ORC2: variants seen among roughly 807,000 people sequenced by gnomAD.
ORC2 encodes origin recognition complex subunit 2.
Under a neutral mutation model 77.7 loss-of-function variants are expected in ORC2, and 37 were observed. The ratio of observed to expected loss-of-function variants is 0.48; its 90% confidence interval spans 0.37 to 0.63. The LOEUF (loss-of-function observed/expected upper bound fraction) is 0.63. Among genes scored for constraint, ORC2 ranks in the 20% least tolerant of loss-of-function variants. The pLI is 0.00. For synonymous variants in ORC2, 201 were observed against 229.5 expected, an observed-to-expected ratio of 0.88 and a Z score of 1.12; for missense variants, 557 against 661.9, an observed-to-expected ratio of 0.84 and a Z score of 1.74.
chr2:200,913,846 G>A (rs1273015001), intron 16 of ORC2, 85 bp downstream of exon 16: 2 of 1,485,572 alleles, frequency 1.3e-6, no homozygotes, highest in Non-Finnish European at 1.8e-6. Context: ...GTGAAAAACT[G>A]CACTGCTGTC....
At chr2:200,937,591 T>C (rs2041071411) in intron 8 of ORC2, among the ~76,000 whole-genome samples, 1 of 152,224 alleles carries the variant, frequency 6.6e-6, no homozygotes, top group Non-Finnish European at 1.5e-5. Flanking sequence ...TCTGTTTACT[T>C]GACTTTGTTT....
intron 11 of ORC2, among the ~76,000 whole-genome samples, chr2:200,928,154 G>A (rs1190937830): frequency 6.6e-6 from 1 of 151,858 alleles, no homozygotes. Flanking sequence ...CCAGGAATTC[G>A]AGACCAGCCT....
chr2:200,917,457 G>A (rs1443360444), intron 15 of ORC2, among the ~76,000 whole-genome samples: 1 of 152,120 alleles, frequency 6.6e-6, no homozygotes, highest in Non-Finnish European at 1.5e-5. Flanking sequence ...TGGCCGAGTT[G>A]AATGCTAATC....
rs988104077 is a variant in ORC2, at chr2:200,935,948, T to C, written c.515-56A>G. 20 of 1,502,250 alleles carry C rather than the reference T, an allele frequency of 1.3e-5. No homozygotes were observed. The East Asian group carries it at 1.9e-4, about 14-fold the overall frequency. The allele number at this position is 1,502,250 out of a possible 1,614,324, so 93.1% of individuals were successfully genotyped here. ...TTTCATGGTTTGACAAGAGAGGCAT[T>C]GTGGGGTAAAGCAAAGAGTGGGGGC... On this transcript the variant is annotated intron_variant, in intron 8 of 17. Coordinates refer to ENST00000234296, the MANE Select transcript of ORC2 (RefSeq NM_006190.5).
chr2:200,943,118 G>C (rs1360563783), intron 5 of ORC2: 2 of 160,756 alleles, frequency 1.2e-5, no homozygotes, highest in Admixed American at 1.3e-4. Flanking sequence ...CTTTGATGGG[G>C]GGTGAGAAAG....
At chr2:200,952,604 T>C (rs2041382977) in intron 4 of ORC2, among the ~76,000 whole-genome samples, 2 of 152,098 alleles carry the variant, frequency 1.3e-5, no homozygotes, top group African/African-American at 4.8e-5. Context: ...AGACAAAATA[T>C]AAACTTGAAA....
rs543572254 is a variant in ORC2, at chr2:200,941,987, G to T, written c.421+698C>A. Among the ~76,000 whole-genome samples, 4 of 151,260 alleles carry T rather than the reference G, an allele frequency of 2.6e-5. No individual in the cohort carries two copies. The South Asian group carries it at 8.4e-4, about 32-fold the overall frequency. ...TCCAGCACTCCAGCCTGGGTGAAAA[G>T]CGAGACTCCTTCTCAAAAAAAAAGA... On this transcript the variant is annotated intron_variant, in intron 6 of 17. Transcript: ENST00000234296.
chr2:200,954,701 C>T (rs2041432969), intron 4 of ORC2, among the ~76,000 whole-genome samples: 2 of 151,894 alleles, frequency 1.3e-5, no homozygotes, highest in African/African-American at 4.8e-5. Context: ...AGTCTGTGGC[C>T]CTCCAAAGCG....
Position 200,948,164 on chromosome 2 carries a change from C to T in ORC2, c.328+1390G>A, listed in dbSNP as rs922863417. Among the ~76,000 whole-genome samples the T allele has an allele frequency of 8.5e-5, 13 of 152,106 alleles. No individual in the cohort carries two copies. The South Asian group carries it at 1.7e-3, about 19-fold the overall frequency. ...TTCTGACCTTGTGATCCACCTGCCTCGGCCTCCCAAAGTGCTGGGATTACA... is the reference window on the plus strand; with the variant it reads ...TTCTGACCTTGTGATCCACCTGCCTTGGCCTCCCAAAGTGCTGGGATTACA... On this transcript the variant is annotated intron_variant, in intron 5 of 17. Coordinates refer to ENST00000234296, the MANE Select transcript of ORC2 (RefSeq NM_006190.5).
At chr2:200,925,132 C>T (rs1575158289) in intron 13 of ORC2, among the ~76,000 whole-genome samples, 1 of 152,100 alleles carries the variant, frequency 6.6e-6, no homozygotes, top group African/African-American at 2.4e-5. Flanking sequence ...CAAGTGGAGG[C>T]ACTTTACACA....
In ORC2 at chr2:200,935,847, T is replaced by C. The variant is rs1398669452; in HGVS notation, c.560A>G (p.Asn187Ser). Residue 187 changes from asparagine to serine, a missense_variant, in exon 9 of 18, where the codon AAC becomes AGC. Transcript: ENST00000234296. Reference sequence around the variant, plus strand: ...TGCAACCCCTTCATCATCCTCTGAGTTGGAAGCAGAATATTCGCTTTCACT... The same window carrying C: ...TGCAACCCCTTCATCATCCTCTGAGCTGGAAGCAGAATATTCGCTTTCACT... The part of the protein sequence containing the change: ...SDSESEYSAS[N>S]SEDDEGVAQE... 2.5e-6 allele frequency: 4 copies of C among 1,613,898 alleles called. No homozygotes were observed. Among genetic ancestry groups the C allele is most frequent in the African/African-American group, 1.3e-5 (1 of 74,888 alleles).
chr2:200,950,717 AAT>A (rs2125021889), intron 4 of ORC2, among the ~76,000 whole-genome samples: 1 of 152,328 alleles, frequency 6.6e-6, no homozygotes, highest in South Asian at 2.1e-4. Flanking sequence ...TTTTCATTTA[AAT>A]ATATGTAATT....
chr2:200,957,340 A>G (rs921473371), intron 4 of ORC2, 61 bp downstream of exon 4: 1 of 1,301,372 alleles, frequency 7.7e-7, no homozygotes, highest in Non-Finnish European at 1.0e-6. Flanking sequence ...ACTTTTGTGT[A>G]TCCTATAAAG....
At chr2:200,928,403 C>T (rs1364984539) in intron 11 of ORC2, among the ~76,000 whole-genome samples, 1 of 152,090 alleles carries the variant, frequency 6.6e-6, no homozygotes, top group East Asian at 1.9e-4. Flanking sequence ...GGTAAAGGCA[C>T]AATTTTATTA....
At chr2:200,914,652 G>A (rs917692671) in intron 15 of ORC2, among the ~76,000 whole-genome samples, 6 of 152,184 alleles carry the variant, frequency 3.9e-5, no homozygotes, top group Admixed American at 2.6e-4. Context: ...ACTGGTATGC[G>A]CCTATGGTCT....
chr2:200,930,583 A>G (rs1484813236), intron 11 of ORC2, among the ~76,000 whole-genome samples: 1 of 151,492 alleles, frequency 6.6e-6, no homozygotes, highest in Non-Finnish European at 1.5e-5. Context: ...TGGCCTCCCA[A>G]AGCACTGGGA....
In ORC2 at chr2:200,909,236, G is replaced by A. The variant is rs756963491; in HGVS notation, c.*2065C>T. ...CAGATACTTTTACATATGCATAGAC[G>A]ATATCTGGAAGAATACTTAAGAAAA... On this transcript the variant is annotated 3_prime_UTR_variant, in exon 18 of 18. Coordinates refer to ENST00000234296, the MANE Select transcript of ORC2 (RefSeq NM_006190.5). The A allele has an allele frequency of 2.6e-5, 4 of 152,092 alleles. No homozygotes were observed. Among genetic ancestry groups the A allele is most frequent in the East Asian group, 1.9e-4 (1 of 5,194 alleles). The allele number at this position is 152,092 out of a possible 1,614,324, so 9.4% of individuals were successfully genotyped here. A position where few individuals can be genotyped will look rare whatever the true frequency, so the allele number is the denominator to read the frequency against.
At chr2:200,922,609 G>A in intron 13 of ORC2, among the ~76,000 whole-genome samples, 1 of 151,506 alleles carries the variant, frequency 6.6e-6, no homozygotes, top group African/African-American at 2.4e-5. Flanking sequence ...GGGTAGATGG[G>A]TAAGAGAGAC....
intron 13 of ORC2, 120 bp downstream of exon 13, chr2:200,925,716 G>A (rs16835784): frequency 6.1e-6 from 2 of 327,930 alleles, no homozygotes; most frequent in Non-Finnish European, 1.1e-5. Flanking sequence ...TCCAGGCTGG[G>A]CAACAGAGAG....
Sources: allele counts gnomAD v4.1 joint callset (sites outside exome capture counted in the v4.1 genomes callset), GRCh38; gene constraint gnomAD v4.1.1; transcripts MANE v1.5; gene names NCBI Gene and HGNC (gene_info 2026-07-23, HGNC 2026-07-21).